The following CSMD1 variants were observed in gnomAD, a reference collection of about 807,000 sequenced individuals.
CSMD1 encodes the protein CUB and Sushi multiple domains 1.
In CSMD1, 213 loss-of-function variants were observed where a neutral mutation model predicts 417.5. The ratio of observed to expected loss-of-function variants is 0.51; its 90% confidence interval spans 0.46 to 0.57. The LOEUF is 0.57. CSMD1 is among the 20% of genes least tolerant of loss of function. The probability of loss-of-function intolerance (pLI) is 0.00; values close to 1 mark genes in which losing one functional copy is unlikely to be tolerated. For synonymous variants in CSMD1, 2,862 were observed against 1,736.8 expected (o/e 1.65, Z -16.11); for missense variants, 6,923 against 4,529.7 (o/e 1.53, Z -15.17).
chr8:3,256,538 A>G lies in CSMD1; in HGVS notation c.4154-26307T>C, dbSNP rs139266808. 3.8e-4 allele frequency among the ~76,000 whole-genome samples: 58 copies of G among 152,318 alleles called. 1 individual carries two copies. The highest frequency in any genetic ancestry group is 1.3e-3 in the African/African-American group (53 of 41,580). Reference sequence around the variant, plus strand: ...TCCTTTAGGATTTATTGCATGCACTAAAAAAGCTATAATCTTGCCCCTTTT... The same window carrying G: ...TCCTTTAGGATTTATTGCATGCACTGAAAAAGCTATAATCTTGCCCCTTTT... On this transcript the variant is annotated intron_variant, in intron 26 of 69. Transcript: ENST00000635120.
At chr8:3,021,485 T>C (rs78142898) in intron 51 of CSMD1, among the ~76,000 whole-genome samples, 6 of 152,322 alleles carry the variant, frequency 3.9e-5, no homozygotes, top group African/African-American at 1.2e-4. Context: ...CTTTTTCCTC[T>C]GAAGTTTCTA....
chr8:4,240,933 C>A lies in CSMD1; in HGVS notation c.415+179020G>T, dbSNP rs140478618. Among the ~76,000 whole-genome samples, 204 of 152,272 alleles carry A rather than the reference C, an allele frequency of 1.3e-3. 2 individuals carry two copies. The highest frequency in any genetic ancestry group is 4.7e-3 in the African/African-American group (195 of 41,562). On this transcript the variant is annotated intron_variant, in intron 3 of 69. Transcript: ENST00000635120. ...ATAGTTTAAAATTATTTTTCCATTA[C>A]CAACTTCTGACAATTATACCTTCTA...
At chr8:3,750,320 G>C (rs922175386) in intron 6 of CSMD1, among the ~76,000 whole-genome samples, 1 of 149,704 alleles carries the variant, frequency 6.7e-6, no homozygotes, top group Admixed American at 6.7e-5. Context: ...CACTTTATAT[G>C]TATATATATA....
At chr8:3,128,768 G>T in intron 41 of CSMD1, 2 of 415,936 alleles carry the variant, frequency 4.8e-6, no homozygotes, top group Non-Finnish European at 9.3e-6. Flanking sequence ...GGAAATTAAT[G>T]GCGTACAATA....
intron 8 of CSMD1, among the ~76,000 whole-genome samples, chr8:3,600,036 A>G (rs1260086500): frequency 1.3e-5 from 2 of 152,230 alleles, no homozygotes; most frequent in East Asian, 3.9e-4. Flanking sequence ...GCACCTCCTC[A>G]GCTCATCACT....
intron 2 of CSMD1, among the ~76,000 whole-genome samples, chr8:4,600,559 C>T (rs1045827058): frequency 2.0e-5 from 3 of 152,112 alleles, no homozygotes; most frequent in South Asian, 4.1e-4. Flanking sequence ...ATAACTATTT[C>T]CTGATGTGCT....
intron 7 of CSMD1, among the ~76,000 whole-genome samples, chr8:3,695,672 A>T (rs1800511165): frequency 6.6e-6 from 1 of 152,220 alleles, no homozygotes; most frequent in Non-Finnish European, 1.5e-5. Context: ...AATAATGATT[A>T]GAAAGATTCT....
chr8:4,765,383 C>T (rs1249902376), intron 1 of CSMD1, among the ~76,000 whole-genome samples: 1 of 152,262 alleles, frequency 6.6e-6, no homozygotes, highest in Non-Finnish European at 1.5e-5. Context: ...ATCGGATTGT[C>T]AGATAATACA....
chr8:3,660,065 A>G (rs1329022319), intron 7 of CSMD1, among the ~76,000 whole-genome samples: 5 of 152,240 alleles, frequency 3.3e-5, no homozygotes, highest in African/African-American at 7.2e-5. Context: ...CACGCTATGA[A>G]GTATAAAATA....
chr8:3,701,058 C>T (rs993247974), intron 7 of CSMD1, among the ~76,000 whole-genome samples: 4 of 151,412 alleles, frequency 2.6e-5, no homozygotes, highest in South Asian at 2.1e-4. Flanking sequence ...ACCAAGAGGC[C>T]GGAGAGAGGG....
chr8:3,641,414 T>C (rs1327640984), intron 7 of CSMD1, among the ~76,000 whole-genome samples: 10 of 152,140 alleles, frequency 6.6e-5, no homozygotes, highest in Non-Finnish European at 1.5e-5. Flanking sequence ...GAAATAAAAA[T>C]TGGGTTCTTC....
chr8:4,426,508 T>C (rs1797564973), intron 2 of CSMD1, among the ~76,000 whole-genome samples: 1 of 147,776 alleles, frequency 6.8e-6, no homozygotes, highest in Non-Finnish European at 1.5e-5. Flanking sequence ...TTTTTATATA[T>C]TTTATAAAGA....
intron 6 of CSMD1, among the ~76,000 whole-genome samples, chr8:3,729,837 T>G (rs552049256): frequency 6.6e-6 from 1 of 150,436 alleles, no homozygotes; most frequent in Non-Finnish European, 1.5e-5. Context: ...ACAAGGCACC[T>G]TGCATATTCC....
chr8:4,323,171 T>C (rs1033356061), intron 3 of CSMD1, among the ~76,000 whole-genome samples: 4 of 152,232 alleles, frequency 2.6e-5, no homozygotes, highest in Admixed American at 2.6e-4. Context: ...GCTTTGGTTA[T>C]ACAATTCTAA....
At chr8:2,940,419 G>C (rs1290577830) in intron 69 of CSMD1, among the ~76,000 whole-genome samples, 1 of 152,170 alleles carries the variant, frequency 6.6e-6, no homozygotes, top group Non-Finnish European at 1.5e-5. Flanking sequence ...TCTTGGTGCA[G>C]TGTTAGGAAG....
At chr8:4,076,193 C>G (rs60096095) in intron 3 of CSMD1, among the ~76,000 whole-genome samples, 16,167 of 152,148 alleles carry the variant, frequency 0.11, 981 homozygotes, top group Middle Eastern at 0.16. Context: ...AGTGAGTTCT[C>G]ACAAGATCTA....
Position 3,383,547 on chromosome 8 carries a change from A to C in CSMD1, c.2782+3947T>G, listed in dbSNP as rs377559926. Among the ~76,000 whole-genome samples the C allele has an allele frequency of 5.1e-4, 78 of 152,312 alleles. 1 individual carries two copies. The South Asian group carries it at 0.016, about 30-fold the overall frequency. ...CCTTCTTCCACACTAGGAAAACCTC[A>C]TGCACGAATGAAAACAGTGAAATAT... On this transcript the variant is annotated intron_variant, in intron 18 of 69. Coordinates refer to ENST00000635120, the MANE Select transcript of CSMD1 (RefSeq NM_033225.6).
At position 3,038,928 on chromosome 8, in the gene CSMD1, T is replaced by G. The variant is rs1052591095; in HGVS notation, c.7661-9415A>C. 3.3e-5 allele frequency among the ~76,000 whole-genome samples: 5 copies of G among 152,086 alleles called. No homozygotes were observed. The South Asian group carries it at 6.2e-4, about 19-fold the overall frequency. On this transcript the variant is annotated intron_variant, in intron 50 of 69. Coordinates refer to ENST00000635120, the MANE Select transcript of CSMD1 (RefSeq NM_033225.6). Reference sequence around the variant, plus strand: ...GGAGACAAGCCATAAAAACCAGCAGTTGGCATCTGAGCTGGTGACTATATA... The same window carrying G: ...GGAGACAAGCCATAAAAACCAGCAGGTGGCATCTGAGCTGGTGACTATATA...
chr8:3,277,311 C>G (rs2897415), intron 26 of CSMD1, among the ~76,000 whole-genome samples: 95 of 151,950 alleles, frequency 6.3e-4, no homozygotes, highest in African/African-American at 2.2e-3. Flanking sequence ...GCGTTGCCCA[C>G]GTTGCTGCGG....
Sources: allele counts gnomAD v4.1 joint callset (sites outside exome capture counted in the v4.1 genomes callset), GRCh38; gene constraint gnomAD v4.1.1; transcripts MANE v1.5; gene names NCBI Gene and HGNC (gene_info 2026-07-23, HGNC 2026-07-21).